The following ABCB1 variants were observed in gnomAD, a reference collection of about 807,000 sequenced individuals.
ABCB1 encodes ATP binding cassette subfamily B member 1.
In ABCB1, 69 loss-of-function variants were observed where a neutral mutation model predicts 142.0. The observed-to-expected ratio is 0.49, with a 90% confidence interval of 0.40 to 0.59. The LOEUF is 0.59. ABCB1 is among the 20% of genes least tolerant of loss of function. The pLI, the probability that ABCB1 is intolerant of heterozygous loss-of-function variation, is 0.00. For synonymous variants in ABCB1, 532 were observed against 539.2 expected (o/e 0.99, Z 0.18); for missense variants, 1,326 against 1,554.7 (o/e 0.85, Z 2.47).
intron 1 of ABCB1, among the ~76,000 whole-genome samples, chr7:87,685,069 TAAAC>T (rs1406108125): frequency 1.3e-5 from 2 of 151,980 alleles, no homozygotes; most frequent in East Asian, 1.9e-4. Flanking sequence ...TACAATCCAT[TAAAC>T]AAAAAAAATT....
intron 1 of ABCB1, among the ~76,000 whole-genome samples, chr7:87,682,405 C>G (rs570387541): frequency 1.3e-5 from 2 of 152,160 alleles, no homozygotes; most frequent in South Asian, 4.1e-4. Context: ...TTGCCCAGAT[C>G]CATCAGAAGA....
intron 21 of ABCB1, among the ~76,000 whole-genome samples, chr7:87,523,314 C>T (rs1039618044): frequency 8.5e-5 from 13 of 152,106 alleles, no homozygotes; most frequent in Admixed American, 2.0e-4. Flanking sequence ...GAATGTGGCA[C>T]ATACTATCAA....
chr7:87,539,462 G>A (rs1304000227), intron 18 of ABCB1, 117 bp from the exon 19 acceptor site: 3 of 1,028,826 alleles, frequency 2.9e-6, no homozygotes, highest in South Asian at 2.7e-5. Context: ...TGATTTCAAG[G>A]GCTTGCTATG....
At chr7:87,640,057 A>T (rs571516247) in intron 1 of ABCB1, among the ~76,000 whole-genome samples, 1 of 150,484 alleles carries the variant, frequency 6.6e-6, no homozygotes, top group Non-Finnish European at 1.5e-5. Context: ...ATATATGTTT[A>T]TATATATTTC....
At chr7:87,618,204 C>T (rs1458626121) in intron 1 of ABCB1, among the ~76,000 whole-genome samples, 3 of 152,128 alleles carry the variant, frequency 2.0e-5, no homozygotes, top group African/African-American at 7.2e-5. Context: ...ATATGTTCTT[C>T]TCTCCTTTGG....
At chr7:87,506,389 A>G (rs1814745119) in intron 26 of ABCB1, among the ~76,000 whole-genome samples, 1 of 152,224 alleles carries the variant, frequency 6.6e-6, no homozygotes, top group African/African-American at 2.4e-5. Context: ...ATTTGAACAA[A>G]GTATTCATAA....
At chr7:87,550,601 A>C (rs1216976865) in intron 10 of ABCB1, 23 bp from the exon 11 acceptor site, 1 of 1,603,542 alleles carries the variant, frequency 6.2e-7, no homozygotes, top group Non-Finnish European at 8.5e-7. Context: ...AAATTTTAAG[A>C]GATTACTAGG....
rs761996458 is a variant in ABCB1, at chr7:87,520,024, TA to T, written c.2787-559del. Among the ~76,000 whole-genome samples, 6 of 152,156 alleles carry T rather than the reference TA, an allele frequency of 3.9e-5. No homozygotes were observed. The South Asian group carries it at 1.2e-3, about 32-fold the overall frequency. On this transcript the variant is annotated intron_variant, in intron 22 of 27. Coordinates refer to ENST00000622132, the MANE Select transcript of ABCB1 (RefSeq NM_001348946.2). ...TCTTCGGGGGTCTCAGAGAAGGCTT[TA>T]AAAAGGGGTTGACATTCTAGAATCA...
intron 1 of ABCB1, among the ~76,000 whole-genome samples, chr7:87,637,187 A>G (rs753293694): frequency 6.6e-6 from 1 of 152,192 alleles, no homozygotes; most frequent in African/African-American, 2.4e-5. Context: ...AACTATATCA[A>G]CCATACTTTC....
chr7:87,709,678 A>G (rs965017190), intron 1 of ABCB1, among the ~76,000 whole-genome samples: 4 of 152,104 alleles, frequency 2.6e-5, no homozygotes, highest in Non-Finnish European at 4.4e-5. Context: ...TTTCTAGAGT[A>G]TGTTTTTTCC....
intron 1 of ABCB1, among the ~76,000 whole-genome samples, chr7:87,660,653 T>C (rs1824604496): frequency 6.6e-6 from 1 of 152,006 alleles, no homozygotes; most frequent in Non-Finnish European, 1.5e-5. Flanking sequence ...TTGTTTCCTC[T>C]GTTATATCTT....
chr7:87,636,971 A>G (rs1207981474), intron 1 of ABCB1, among the ~76,000 whole-genome samples: 6 of 152,162 alleles, frequency 3.9e-5, no homozygotes, highest in Admixed American at 6.5e-5. Context: ...GTAGCAGGAG[A>G]GAGAAAAATG....
In ABCB1 at chr7:87,568,913, T is replaced by C. The variant is rs28381842; in HGVS notation, c.338+1259A>G. 5.2e-3 allele frequency among the ~76,000 whole-genome samples: 796 copies of C among 152,342 alleles called. 5 individuals are homozygous for C. Among genetic ancestry groups the C allele is most frequent in the African/African-American group, 0.018 (756 of 41,578 alleles). On this transcript the variant is annotated intron_variant, in intron 5 of 27. Coordinates refer to ENST00000622132, the MANE Select transcript of ABCB1 (RefSeq NM_001348946.2). ...GTATTTTAAACTGTCAGTGTATGTT[T>C]ACTCAAAAGCATGTACATGATGATT...
intron 4 of ABCB1, among the ~76,000 whole-genome samples, chr7:87,585,085 C>A (rs1818680845): frequency 6.6e-6 from 1 of 152,080 alleles, no homozygotes; most frequent in Non-Finnish European, 1.5e-5. Flanking sequence ...CCTTCTCCAT[C>A]TCTCATTTCT....
intron 27 of ABCB1, 121 bp downstream of exon 27, chr7:87,505,776 A>T: frequency 8.2e-7 from 1 of 1,217,722 alleles, no homozygotes; most frequent in Non-Finnish European, 1.2e-6. Context: ...TTTACATTTT[A>T]CTGAAAGGTG....
chr7:87,557,282 C>T (rs1421044632), intron 8 of ABCB1, among the ~76,000 whole-genome samples: 1 of 152,030 alleles, frequency 6.6e-6, no homozygotes, highest in African/African-American at 2.4e-5. Context: ...ACCTAGAGCC[C>T]TAGCTTTGTT....
intron 1 of ABCB1, among the ~76,000 whole-genome samples, chr7:87,606,520 C>T (rs1166615063): frequency 1.3e-5 from 2 of 151,978 alleles, no homozygotes; most frequent in Non-Finnish European, 2.9e-5. Context: ...GAATACTTAA[C>T]CACATATATA....
intron 1 of ABCB1, among the ~76,000 whole-genome samples, chr7:87,613,253 ATTTCTTTTTTT>A (rs1178230769): frequency 1.3e-3 from 93 of 72,790 alleles, no homozygotes; most frequent in African/African-American, 4.7e-3. Context: ...AATGTCCTTT[ATTTCTTTTTTT>A]TTTTTTTTTT....
At chr7:87,594,220 T>A (rs1172709998) in intron 3 of ABCB1, among the ~76,000 whole-genome samples, 2 of 152,218 alleles carry the variant, frequency 1.3e-5, no homozygotes, top group African/African-American at 4.8e-5. Flanking sequence ...GGCCCCATTG[T>A]ACATCCTCAG....
Sources: gnomAD v4.1 joint callset for allele counts (sites outside exome capture counted in the v4.1 genomes callset) on GRCh38, gnomAD v4.1.1 for gene constraint, MANE v1.5 for transcripts, NCBI Gene and HGNC (gene_info 2026-07-23, HGNC 2026-07-21) for gene names.